The following SEMA3D variants were observed in gnomAD, a reference collection of about 807,000 sequenced individuals.
SEMA3D encodes semaphorin 3D.
SEMA3D carries 84 observed loss-of-function variants against 100.1 expected under a neutral mutation model. The observed-to-expected ratio is 0.84, with a 90% CI of 0.70 to 1.01. The LOEUF (loss-of-function observed/expected upper bound fraction) is 1.01, where lower values mean the gene tolerates loss of function less well. Ranked by LOEUF, SEMA3D falls within the 50% of genes least tolerant of loss-of-function variation. SEMA3D has a pLI of 0.00. For missense variants in SEMA3D, 875 were observed against 934.1 expected (o/e 0.94, Z 0.82); for synonymous variants, 312 against 320.7 (o/e 0.97, Z 0.29).
chr7:85,231,670 T>C, the SEMA3D span, among the ~76,000 whole-genome samples: 1 of 152,110 alleles, frequency 6.6e-6, no homozygotes, highest in Non-Finnish European at 1.5e-5. Context: ...CAGGATGGTC[T>C]CGATCTCCTG....
At chr7:85,068,381 AT>A in intron 6 of SEMA3D, 97 bp from the exon 7 acceptor site, 1 of 697,616 alleles carries the variant, frequency 1.4e-6, no homozygotes, top group African/African-American at 1.8e-5. Context: ...CATGAATTTG[AT>A]AAAACTAATT....
the SEMA3D span, among the ~76,000 whole-genome samples, chr7:85,226,116 G>A: frequency 1.3e-5 from 2 of 151,960 alleles, 1 homozygote; most frequent in East Asian, 3.9e-4. Context: ...TTTTCTTATA[G>A]TATTAAGGCT....
chr7:85,192,898 T>A, the SEMA3D span, among the ~76,000 whole-genome samples: 2 of 152,122 alleles, frequency 1.3e-5, no homozygotes, highest in Non-Finnish European at 2.9e-5. Context: ...AAAGTCTACA[T>A]TAGGAGTCTA....
At chr7:85,215,976 A>G in the SEMA3D span, among the ~76,000 whole-genome samples, 1 of 152,126 alleles carries the variant, frequency 6.6e-6, no homozygotes, top group Non-Finnish European at 1.5e-5. Flanking sequence ...TTTTCATAAT[A>G]TAAAACTTTT....
chr7:85,222,842 G>C, the SEMA3D span, among the ~76,000 whole-genome samples: 1 of 152,044 alleles, frequency 6.6e-6, no homozygotes, highest in Admixed American at 6.6e-5. Context: ...AAAATATCAA[G>C]GTCTCTTGAA....
chr7:85,080,974 A>T (rs1181944947), intron 5 of SEMA3D, among the ~76,000 whole-genome samples: 1 of 152,202 alleles, frequency 6.6e-6, no homozygotes, highest in Non-Finnish European at 1.5e-5. Context: ...CATAAATTTC[A>T]GAGGAAGTAG....
the SEMA3D span, among the ~76,000 whole-genome samples, chr7:85,215,402 A>G: frequency 6.6e-6 from 1 of 152,164 alleles, no homozygotes; most frequent in East Asian, 1.9e-4. Context: ...AGAGCTAGTT[A>G]TCTGGAGCAG....
chr7:85,140,002 C>A (rs1326526741), intron 2 of SEMA3D: 1 of 442,518 alleles, frequency 2.3e-6, no homozygotes, highest in Non-Finnish European at 3.0e-6. Context: ...AAAAAGTGAT[C>A]AAAACAAGTT....
At chr7:85,217,042 G>A in the SEMA3D span, among the ~76,000 whole-genome samples, 1 of 151,896 alleles carries the variant, frequency 6.6e-6, no homozygotes, top group African/African-American at 2.4e-5. Context: ...GCAAAATAGA[G>A]CCACATGATT....
chr7:85,090,710 C>T (rs1788360119), intron 4 of SEMA3D, among the ~76,000 whole-genome samples: 1 of 152,048 alleles, frequency 6.6e-6, no homozygotes, highest in African/African-American at 2.4e-5. Flanking sequence ...GTCAGAACAT[C>T]ATTCTGATTT....
chr7:85,041,133 C>T, intron 10 of SEMA3D: 1 of 157,568 alleles, frequency 6.3e-6, no homozygotes, highest in Non-Finnish European at 1.4e-5. Context: ...TCTCTGCCCA[C>T]TGCAACCTCT....
At chr7:85,028,294 G>T in intron 12 of SEMA3D, 2 of 708,502 alleles carry the variant, frequency 2.8e-6, no homozygotes, top group East Asian at 5.2e-5. Flanking sequence ...TCAGCATCAG[G>T]GCTATCAAAG....
chr7:85,140,282 C>T, intron 2 of SEMA3D: 1 of 974,152 alleles, frequency 1.0e-6, no homozygotes, highest in Non-Finnish European at 1.2e-6. Context: ...CTCTTTTCCT[C>T]AAATATGCAA....
At chr7:85,027,670 A>C (rs1790428779) in intron 12 of SEMA3D, among the ~76,000 whole-genome samples, 1 of 152,064 alleles carries the variant, frequency 6.6e-6, no homozygotes, top group Non-Finnish European at 1.5e-5. Context: ...GACAGGAAGA[A>C]GGAGGTTAGC....
chr7:85,069,234 AG>A (rs1487944377), intron 6 of SEMA3D, among the ~76,000 whole-genome samples: 1 of 152,164 alleles, frequency 6.6e-6, no homozygotes, highest in Non-Finnish European at 1.5e-5. Flanking sequence ...CAAGCAATAA[AG>A]CAAAAGGGAC....
At chr7:85,101,958 C>T (rs1304649789) in intron 3 of SEMA3D, among the ~76,000 whole-genome samples, 3 of 151,800 alleles carry the variant, frequency 2.0e-5, no homozygotes, top group East Asian at 1.9e-4. Flanking sequence ...TATTAAAATG[C>T]TATTAAATCC....
At chr7:85,205,286 T>C in the SEMA3D span, among the ~76,000 whole-genome samples, 3 of 152,146 alleles carry the variant, frequency 2.0e-5, no homozygotes, top group Admixed American at 6.6e-5. Flanking sequence ...AATACATTTG[T>C]CTATTTCAAA....
chr7:85,098,512 A>T (rs1448111795), intron 3 of SEMA3D, among the ~76,000 whole-genome samples: 2 of 151,912 alleles, frequency 1.3e-5, no homozygotes, highest in Admixed American at 6.6e-5. Flanking sequence ...TCTACTTTTT[A>T]AAAAATACAC....
intron 1 of SEMA3D, among the ~76,000 whole-genome samples, chr7:85,183,771 T>C (rs1791464664): frequency 1.3e-5 from 2 of 152,190 alleles, no homozygotes; most frequent in South Asian, 2.1e-4. Flanking sequence ...ACATTTTACA[T>C]TGCCAGATAC....
Sources: gnomAD v4.1 joint callset for allele counts (sites outside exome capture counted in the v4.1 genomes callset) on GRCh38, gnomAD v4.1.1 for gene constraint, MANE v1.5 for transcripts, NCBI Gene and HGNC (gene_info 2026-07-23, HGNC 2026-07-21) for gene names.